The following IQCK variants were observed in gnomAD, a reference collection of about 807,000 sequenced individuals.
The protein encoded by IQCK is IQ motif containing K, also known as IQ domain-containing protein K.
In IQCK, 29 loss-of-function variants were observed where a neutral mutation model predicts 28.1. That is an observed-to-expected ratio of 1.03 (90% CI 0.77 to 1.41). IQCK has a LOEUF of 1.41. Among genes scored for constraint, IQCK ranks in the 40% most tolerant of loss-of-function variants. The pLI, the probability that IQCK is intolerant of heterozygous loss-of-function variation, is 0.00. For missense variants in IQCK, 359 were observed against 314.7 expected (o/e 1.14, Z -1.07); for synonymous variants, 113 against 115.1 (o/e 0.98, Z 0.12).
At position 19,804,244 on chromosome 16, in the gene IQCK, T is replaced by A. The variant is rs559837176; in HGVS notation, c.690+15322T>A. 2.6e-5 allele frequency among the ~76,000 whole-genome samples: 4 copies of A among 151,768 alleles called. 1 individual carries two copies. In the South Asian group the frequency reaches 8.3e-4, roughly 32 times the overall value. On this transcript the variant is annotated intron_variant, in intron 7 of 7. Transcript: ENST00000564186. ...TAGTGGATGCCTGTACTTGGGAGGC[T>A]GAGGCAGGAGAATCACTTGAACCTG...
At chr16:19,747,699 A>G (rs1244965424) in intron 4 of IQCK, among the ~76,000 whole-genome samples, 1 of 152,122 alleles carries the variant, frequency 6.6e-6, no homozygotes, top group Non-Finnish European at 1.5e-5. Flanking sequence ...ATCTGTGTAT[A>G]GACAGGTTTT....
chr16:19,746,989 C>T (rs976935257), intron 4 of IQCK, among the ~76,000 whole-genome samples: 6 of 152,182 alleles, frequency 3.9e-5, no homozygotes, highest in Non-Finnish European at 8.8e-5. Context: ...CTTAAAATTA[C>T]AAGCATTGGT....
In IQCK at chr16:19,825,798, C is replaced by T. The variant is rs191249675; in HGVS notation, c.691-1228C>T. Reference sequence around the variant, plus strand: ...CTATTATTCATCTCTTTAATCTCAACGTCTAGCACAAAAGTTGGTATGAAG... The same window carrying T: ...CTATTATTCATCTCTTTAATCTCAATGTCTAGCACAAAAGTTGGTATGAAG... On this transcript the variant is annotated intron_variant, in intron 7 of 7. Coordinates refer to ENST00000564186, the Ensembl canonical transcript of IQCK. The surrounding 1 kb of genome is among the most constrained non-coding windows in gnomAD (Gnocchi z 4.2). Among the ~76,000 whole-genome samples the T allele has an allele frequency of 1.9e-3, 289 of 152,218 alleles. 2 individuals are homozygous for T. The highest frequency in any genetic ancestry group is 6.6e-3 in the African/African-American group (272 of 41,526).
chr16:19,727,450 G>A (rs1977691805), intron 1 of IQCK, among the ~76,000 whole-genome samples: 1 of 152,040 alleles, frequency 6.6e-6, no homozygotes, highest in Non-Finnish European at 1.5e-5. Context: ...TGTCTGGCAT[G>A]GCAGCATGTG....
intron 1 of IQCK, among the ~76,000 whole-genome samples, chr16:19,727,358 G>A (rs749766385): frequency 2.0e-5 from 3 of 151,986 alleles, no homozygotes; most frequent in Non-Finnish European, 2.9e-5. Context: ...AGGCCAAGGC[G>A]GGCGGATTGC....
intron 7 of IQCK, among the ~76,000 whole-genome samples, chr16:19,812,855 T>G (rs1007426865): frequency 6.6e-6 from 1 of 152,208 alleles, no homozygotes; most frequent in East Asian, 1.9e-4. Context: ...GGGGGGAAAT[T>G]CAGATTTGAA....
chr16:19,786,031 T>C (rs571081493), intron 6 of IQCK, among the ~76,000 whole-genome samples: 7 of 152,224 alleles, frequency 4.6e-5, no homozygotes, highest in Non-Finnish European at 8.8e-5. Context: ...TGGGAGGGGA[T>C]CCAGAAAGTT....
chr16:19,770,684 G>A (rs2055308573), intron 6 of IQCK, among the ~76,000 whole-genome samples: 1 of 152,076 alleles, frequency 6.6e-6, no homozygotes, highest in African/African-American at 2.4e-5. Context: ...GTGCAGTTGT[G>A]AAATCTCGGC....
At chr16:19,835,023 G>T (rs1377989187) in intron 9 of IQCK, among the ~76,000 whole-genome samples, 1 of 152,188 alleles carries the variant, frequency 6.6e-6, no homozygotes, top group Non-Finnish European at 1.5e-5. Flanking sequence ...CCAGCACTTT[G>T]GGAGGCCGAG....
chr16:19,852,917 C>T (rs962578925), intron 9 of IQCK, among the ~76,000 whole-genome samples: 5 of 152,160 alleles, frequency 3.3e-5, no homozygotes, highest in Non-Finnish European at 5.9e-5. Context: ...CCACCGCACG[C>T]GGCCTCCTTC....
intron 6 of IQCK, among the ~76,000 whole-genome samples, chr16:19,784,038 A>G (rs190981098): frequency 2.0e-3 from 306 of 152,272 alleles, no homozygotes; most frequent in Non-Finnish European, 3.9e-3. Flanking sequence ...ATTGCCGCTG[A>G]ACAGAAAGGC....
chr16:19,805,045 G>C (rs1005939688), intron 7 of IQCK, among the ~76,000 whole-genome samples: 1 of 152,110 alleles, frequency 6.6e-6, no homozygotes, highest in African/African-American at 2.4e-5. Flanking sequence ...GTTCCAGGAA[G>C]GGGGGTGGGG....
At chr16:19,761,833 T>A (rs907737892) in intron 4 of IQCK, 10 of 170,334 alleles carry the variant, frequency 5.9e-5, no homozygotes, top group African/African-American at 2.1e-4. Context: ...ACGAATGAAG[T>A]TTATTTCTCC....
chr16:19,793,643 GTTTTTTTTTTTT>G (rs1285541664), intron 7 of IQCK, among the ~76,000 whole-genome samples: 7 of 61,794 alleles, frequency 1.1e-4, no homozygotes, highest in African/African-American at 7.8e-5. Context: ...TCTCAGTTGG[GTTTTTTTTTTTT>G]TTTTTTTTTT....
chr16:19,854,256 A>G (rs934963541), intron 9 of IQCK, among the ~76,000 whole-genome samples: 20 of 152,240 alleles, frequency 1.3e-4, no homozygotes, highest in Admixed American at 7.8e-4. Flanking sequence ...TCAAACTTTA[A>G]CTAGCATCCA....
chr16:19,783,479 T>C (rs2055520024), intron 6 of IQCK, among the ~76,000 whole-genome samples: 1 of 152,172 alleles, frequency 6.6e-6, no homozygotes, highest in African/African-American at 2.4e-5. Context: ...CTTTAAGGCC[T>C]CAGCTGTCTC....
chr16:19,770,285 G>T (rs549194700), intron 6 of IQCK, among the ~76,000 whole-genome samples: 159 of 152,216 alleles, frequency 1.0e-3, no homozygotes, highest in Non-Finnish European at 2.0e-3. Context: ...CGTCTATGTT[G>T]ATTTTAAATG....
intron 7 of IQCK, among the ~76,000 whole-genome samples, chr16:19,811,262 C>A (rs2055902105): frequency 6.6e-6 from 1 of 152,178 alleles, no homozygotes; most frequent in African/African-American, 2.4e-5. Flanking sequence ...CAGAGCGAGA[C>A]CCTGTCTCAA....
chr16:19,851,457 C>G (rs1302866885), intron 9 of IQCK, among the ~76,000 whole-genome samples: 1 of 152,102 alleles, frequency 6.6e-6, no homozygotes, highest in Non-Finnish European at 1.5e-5. Flanking sequence ...CTGTCTTGAG[C>G]TTTAGGCATT....
Sources: allele counts gnomAD v4.1 joint callset (sites outside exome capture counted in the v4.1 genomes callset), GRCh38; gene constraint gnomAD v4.1.1; non-coding constraint Gnocchi (gnomAD v3.1); transcripts MANE v1.5; gene names NCBI Gene and HGNC (gene_info 2026-07-23, HGNC 2026-07-21).